SETD3: variants seen among roughly 807,000 people sequenced by gnomAD.
SETD3 encodes actin-histidine N-methyltransferase.
Under a neutral mutation model 63.0 loss-of-function variants are expected in SETD3, and 19 were observed. That is an observed-to-expected ratio of 0.30 (90% CI 0.21 to 0.44). The LOEUF (loss-of-function observed/expected upper bound fraction) is 0.44. Among genes scored for constraint, SETD3 ranks in the 20% least tolerant of loss-of-function variants. SETD3 has a pLI of 1.00. For synonymous variants in SETD3, 286 were observed against 264.1 expected (o/e 1.08, Z -0.80); for missense variants, 587 against 728.5 (o/e 0.81, Z 2.24).
At chr14:99,435,802 C>T (rs1396750192) in intron 6 of SETD3, among the ~76,000 whole-genome samples, 1 of 146,294 alleles carries the variant, frequency 6.8e-6, no homozygotes, top group East Asian at 2.1e-4. Flanking sequence ...AGGGACTTGG[C>T]TATGGTCACA....
intron 3 of SETD3, among the ~76,000 whole-genome samples, chr14:99,462,408 C>T (rs1363981503): frequency 1.3e-5 from 2 of 152,166 alleles, no homozygotes; most frequent in Admixed American, 6.5e-5. Context: ...GCCATCTTAC[C>T]ACAGCATAAT....
chr14:99,453,180 C>T (rs1894560096), intron 6 of SETD3, among the ~76,000 whole-genome samples: 1 of 152,250 alleles, frequency 6.6e-6, no homozygotes, highest in East Asian at 1.9e-4. Flanking sequence ...AAAGGCCTAA[C>T]GTCTGATCCT....
chr14:99,409,319 G>A (rs1232646163), intron 8 of SETD3, among the ~76,000 whole-genome samples: 4 of 152,246 alleles, frequency 2.6e-5, no homozygotes, highest in South Asian at 2.1e-4. Flanking sequence ...ATATATATAC[G>A]TATATATAAA....
chr14:99,480,300 T>C (rs541116534), intron 1 of SETD3, among the ~76,000 whole-genome samples: 66 of 151,794 alleles, frequency 4.3e-4, no homozygotes, highest in East Asian at 2.8e-3. Flanking sequence ...CCGAGCCGAC[T>C]AGCGCGAGGG....
At chr14:99,448,068 T>C (rs902190420) in intron 6 of SETD3, among the ~76,000 whole-genome samples, 8 of 152,168 alleles carry the variant, frequency 5.3e-5, no homozygotes, top group African/African-American at 1.9e-4. Context: ...AGACACAACC[T>C]TAAAGACTAA....
chr14:99,422,498 T>C (rs1166650574), intron 6 of SETD3, among the ~76,000 whole-genome samples: 2 of 152,196 alleles, frequency 1.3e-5, no homozygotes, highest in Non-Finnish European at 1.5e-5. Context: ...GAGTAGTCTA[T>C]GAGGAGCTCA....
Position 99,405,332 on chromosome 14 carries a change from C to A in SETD3, c.964G>T (p.Val322Leu). ...TCAAAGAAAAAACCACTGTGGATCA[C>A]AAACTCTGCGTTGGATCGAGTGCCA... ...FYGTRSNAEF[V>L]IHSGFFFDNN... Residue 322 changes from valine to leucine, a missense_variant, in exon 10 of 13, where the codon GTG becomes TTG. Transcript: ENST00000331768. 6.2e-7 allele frequency: 1 copy of A among 1,613,860 alleles called. No homozygotes were observed. Among genetic ancestry groups the A allele is most frequent in the Non-Finnish European group, 8.5e-7 (1 of 1,179,944 alleles).
upstream of SETD3, chr14:99,481,587 G>A (rs1024306999): frequency 2.5e-5 from 10 of 396,868 alleles, no homozygotes; most frequent in African/African-American, 2.1e-4. Flanking sequence ...CTCTCTTTCC[G>A]GATTCTGCCT....
intron 8 of SETD3, among the ~76,000 whole-genome samples, chr14:99,411,018 T>C (rs1451477153): frequency 1.3e-5 from 2 of 152,238 alleles, no homozygotes; most frequent in Admixed American, 1.3e-4. Context: ...AGACATTAAC[T>C]GTAATATATA....
upstream of SETD3, among the ~76,000 whole-genome samples, chr14:99,483,026 CTT>C (rs747439584): frequency 1.5e-4 from 23 of 152,188 alleles, no homozygotes; most frequent in Non-Finnish European, 2.9e-4. Context: ...TTGCAGATGA[CTT>C]TATAAAATCG....
chr14:99,422,317 C>T (rs1474043747), intron 6 of SETD3, among the ~76,000 whole-genome samples: 3 of 152,200 alleles, frequency 2.0e-5, no homozygotes, highest in Admixed American at 6.5e-5. Context: ...TTTCTGATAA[C>T]TCTTAACAGC....
At chr14:99,426,200 C>T (rs1892873844) in intron 6 of SETD3, among the ~76,000 whole-genome samples, 1 of 152,338 alleles carries the variant, frequency 6.6e-6, no homozygotes, top group African/African-American at 2.4e-5. Flanking sequence ...CCTCCAGTGA[C>T]CTCTAAATGT....
chr14:99,464,094 C>T lies in SETD3; in HGVS notation c.104-516G>A, dbSNP rs916975483. On this transcript the variant is annotated intron_variant, in intron 2 of 12. Coordinates refer to ENST00000331768, the MANE Select transcript of SETD3 (RefSeq NM_032233.3). The stretch of plus-strand genomic sequence containing the variant: ...GACAAACATTTCACATCCATGTGTA[C>T]GGCACTATATTCAGCAGTCTGGGGG... Among the ~76,000 whole-genome samples the T allele has an allele frequency of 7.2e-5, 11 of 152,210 alleles. No homozygotes were observed. In the East Asian group the frequency reaches 9.6e-4, roughly 13 times the overall value.
chr14:99,480,405 G>A (rs1453634296), intron 1 of SETD3, among the ~76,000 whole-genome samples: 1 of 151,844 alleles, frequency 6.6e-6, no homozygotes, highest in Non-Finnish European at 1.5e-5. Flanking sequence ...CTCGAGACCG[G>A]GTGGCGCGGG....
intron 1 of SETD3, among the ~76,000 whole-genome samples, chr14:99,478,363 G>A (rs930801183): frequency 6.6e-6 from 1 of 152,210 alleles, no homozygotes; most frequent in Non-Finnish European, 1.5e-5. Context: ...ACCCTCAACA[G>A]AAGCACAAGG....
At position 99,398,930 on chromosome 14, in the gene SETD3, T is replaced by C. The variant is rs1891226998; in HGVS notation, c.1534A>G (p.Ser512Gly). 1.2e-6 allele frequency: 2 copies of C among 1,614,042 alleles called. No individual in the cohort carries two copies. The highest frequency in any genetic ancestry group is 3.3e-5 in the Admixed American group (2 of 60,018). ...YEESNLGLLE[S>G]SVGDSRLPLV... is the part of the protein sequence containing the mutation. ...GGGAGCCTCGAGTCCCCCACGCTGC[T>C]CTCCAACAGCCCAAGGTTACTCTCT... Residue 512 changes from serine to glycine, a missense_variant, in exon 13 of 13, where the codon AGC (serine) becomes GGC (glycine). Transcript: ENST00000331768.
intron 6 of SETD3, among the ~76,000 whole-genome samples, chr14:99,454,463 G>C (rs1271382798): frequency 1.3e-5 from 2 of 152,088 alleles, no homozygotes; most frequent in Non-Finnish European, 2.9e-5. Context: ...TTGGCCACCA[G>C]GAGTTTTGTT....
At chr14:99,462,791 G>A (rs1049400924) in intron 3 of SETD3, among the ~76,000 whole-genome samples, 2 of 152,140 alleles carry the variant, frequency 1.3e-5, no homozygotes, top group Non-Finnish European at 2.9e-5. Flanking sequence ...CTTAAAGAGA[G>A]CAAATAAAAA....
At chr14:99,417,645 C>T (rs775330052) in intron 6 of SETD3, among the ~76,000 whole-genome samples, 90 of 152,198 alleles carry the variant, frequency 5.9e-4, no homozygotes, top group Non-Finnish European at 1.2e-3. Context: ...TTGTGGAGAA[C>T]CAAAATAAGC....
Sources: allele counts gnomAD v4.1 joint callset (sites outside exome capture counted in the v4.1 genomes callset), GRCh38; gene constraint gnomAD v4.1.1; transcripts MANE v1.5; gene names NCBI Gene and HGNC (gene_info 2026-07-23, HGNC 2026-07-21).